PMFBP1: variants seen among roughly 807,000 people sequenced by gnomAD.
The protein encoded by PMFBP1 is polyamine-modulated factor 1-binding protein 1.
Under a neutral mutation model 137.8 loss-of-function variants are expected in PMFBP1, and 131 were observed. The observed-to-expected ratio is 0.95, with a 90% CI of 0.82 to 1.10. The LOEUF is 1.10. PMFBP1 is among the 50% of genes least tolerant of loss of function. The pLI, the probability that PMFBP1 is intolerant of heterozygous loss-of-function variation, is 0.00. For synonymous variants in PMFBP1, 490 were observed against 450.4 expected, an observed-to-expected ratio of 1.09 and a Z score of -1.11; for missense variants, 1,199 against 1,175.4, an observed-to-expected ratio of 1.02 and a Z score of -0.29.
chr16:72,132,733 C>T lies in PMFBP1; in HGVS notation c.1447+15G>A. On this transcript the variant is annotated intron_variant, in intron 10 of 20. Transcript: ENST00000237353. ...ACAGAAAAGTGTGGTGGGACAGCAC[C>T]TGCAGGGGCCTCACCAGCCAGCCTC... 1 of 1,614,062 alleles carries T rather than the reference C, an allele frequency of 6.2e-7. No homozygotes were observed. The highest frequency in any genetic ancestry group is 8.5e-7 in the Non-Finnish European group (1 of 1,179,972).
At chr16:72,222,985 G>A in the PMFBP1 span, among the ~76,000 whole-genome samples, 2 of 152,104 alleles carry the variant, frequency 1.3e-5, no homozygotes, top group African/African-American at 2.4e-5. Context: ...ATAAAAAGGG[G>A]AGTGAATAAT....
downstream of PMFBP1, chr16:72,119,044 G>C (rs1306636683): frequency 2.9e-6 from 1 of 350,210 alleles, no homozygotes; most frequent in African/African-American, 2.1e-5. Context: ...CATGTTGCTG[G>C]GGGATTGCGG....
At chr16:72,219,253 G>A in the PMFBP1 span, among the ~76,000 whole-genome samples, 18 of 152,234 alleles carry the variant, frequency 1.2e-4, no homozygotes, top group African/African-American at 3.4e-4. Flanking sequence ...GGAGAGAATC[G>A]CTGTAGGGCT....
the PMFBP1 span, among the ~76,000 whole-genome samples, chr16:72,244,261 G>A: frequency 6.6e-6 from 1 of 152,118 alleles, no homozygotes; most frequent in African/African-American, 2.4e-5. Flanking sequence ...TGAGGGTAAT[G>A]ATTATTCTAA....
the PMFBP1 span, among the ~76,000 whole-genome samples, chr16:72,195,351 A>G: frequency 6.6e-6 from 1 of 151,888 alleles, no homozygotes; most frequent in Non-Finnish European, 1.5e-5. Context: ...TCAGACCTAC[A>G]CTGAAGTCTG....
chr16:72,139,654 G>A (rs940831120), intron 6 of PMFBP1, among the ~76,000 whole-genome samples: 1 of 152,118 alleles, frequency 6.6e-6, no homozygotes, highest in South Asian at 2.1e-4. Context: ...CCTCCGTTTG[G>A]TCCATTTGAT....
At chr16:72,161,961 A>C (rs1424447393) in intron 3 of PMFBP1, among the ~76,000 whole-genome samples, 1 of 152,244 alleles carries the variant, frequency 6.6e-6, no homozygotes, top group Non-Finnish European at 1.5e-5. Flanking sequence ...TATGCTAAAA[A>C]GTGTCCTCTG....
chr16:72,211,917 A>G, the PMFBP1 span, among the ~76,000 whole-genome samples: 3 of 152,274 alleles, frequency 2.0e-5, no homozygotes, highest in East Asian at 5.8e-4. Flanking sequence ...GGACTGCTTG[A>G]GCCTGGGAGG....
At chr16:72,179,950 A>G (rs1376451696), upstream of PMFBP1, among the ~76,000 whole-genome samples, 1 of 152,132 alleles carries the variant, frequency 6.6e-6, no homozygotes, top group Non-Finnish European at 1.5e-5. Flanking sequence ...CACATCTCCT[A>G]CTTGGTGTGT....
At chr16:72,214,350 T>C in the PMFBP1 span, among the ~76,000 whole-genome samples, 9 of 152,158 alleles carry the variant, frequency 5.9e-5, no homozygotes, top group African/African-American at 2.2e-4. Flanking sequence ...TAATTTTTGG[T>C]ATTTTTAGTA....
At chr16:72,218,776 T>G in the PMFBP1 span, among the ~76,000 whole-genome samples, 1 of 152,198 alleles carries the variant, frequency 6.6e-6, no homozygotes, top group Non-Finnish European at 1.5e-5. Flanking sequence ...ATCTACCATG[T>G]GCAAAATATA....
intron 15 of PMFBP1, 63 bp downstream of exon 15, chr16:72,125,905 T>A (rs1236406302): frequency 6.4e-7 from 1 of 1,568,168 alleles, no homozygotes; most frequent in Non-Finnish European, 8.7e-7. Flanking sequence ...CCTGTGCTTC[T>A]CCCGCTACCT....
intron 2 of PMFBP1, among the ~76,000 whole-genome samples, chr16:72,168,870 G>A (rs1308316018): frequency 6.6e-6 from 1 of 152,162 alleles, no homozygotes; most frequent in African/African-American, 2.4e-5. Context: ...CAAATTTTCT[G>A]TATTGATTAA....
In PMFBP1 at chr16:72,160,180, C is replaced by T. The variant is rs374925298; in HGVS notation, c.165+4584G>A. 2.0e-4 allele frequency among the ~76,000 whole-genome samples: 31 copies of T among 152,322 alleles called. 2 individuals are homozygous for T. Among genetic ancestry groups the T allele is most frequent in the Admixed American group, 1.0e-3 (16 of 15,302 alleles). ...AAATTAATTGGCCTGGCATGATTTG[C>T]CTTTTGAAAAGTCACGTTGGTTTCC... On this transcript the variant is annotated intron_variant, in intron 3 of 20. Coordinates refer to ENST00000237353, the MANE Select transcript of PMFBP1 (RefSeq NM_031293.3).
At chr16:72,119,781 A>G in intron 20 of PMFBP1, 70 bp downstream of exon 20, 1 of 1,572,856 alleles carries the variant, frequency 6.4e-7, no homozygotes, top group Non-Finnish European at 8.6e-7. Flanking sequence ...TCTTCTTCCT[A>G]CTTGAATTCT....
At chr16:72,167,852 G>A (rs2043167425) in intron 2 of PMFBP1, among the ~76,000 whole-genome samples, 1 of 152,174 alleles carries the variant, frequency 6.6e-6, no homozygotes, top group Admixed American at 6.5e-5. Context: ...AGCACACTGA[G>A]GGCTCACTAA....
At position 72,136,616 on chromosome 16, in the gene PMFBP1, G is replaced by A; in HGVS notation, c.1046-11C>T. On this transcript the variant is annotated splice_polypyrimidine_tract_variant and intron_variant, in intron 8 of 20. Transcript: ENST00000237353. ...CCAGCTTCATCATGTCTACCATGGG[G>A]CGGGACAGAGTCTATGCTCAGGGGA... 6.2e-7 allele frequency: 1 copy of A among 1,614,034 alleles called. No homozygotes were observed. Among genetic ancestry groups the A allele is most frequent in the East Asian group, 2.2e-5 (1 of 44,872 alleles).
upstream of PMFBP1, among the ~76,000 whole-genome samples, chr16:72,174,383 C>A (rs1185675453): frequency 6.6e-6 from 1 of 152,178 alleles, no homozygotes; most frequent in Non-Finnish European, 1.5e-5. Flanking sequence ...CCTCACAGTT[C>A]ATGATTCTCT....
the PMFBP1 span, among the ~76,000 whole-genome samples, chr16:72,227,931 G>A: frequency 2.1e-4 from 32 of 152,180 alleles, no homozygotes; most frequent in Middle Eastern, 3.4e-3. Context: ...TGGACATTTA[G>A]GTTGTTTCCA....
Sources: allele counts gnomAD v4.1 joint callset (sites outside exome capture counted in the v4.1 genomes callset), GRCh38; gene constraint gnomAD v4.1.1; transcripts MANE v1.5; gene names NCBI Gene and HGNC (gene_info 2026-07-23, HGNC 2026-07-21).